CCT5: variants seen among roughly 807,000 people sequenced by gnomAD.
CCT5 encodes T-complex protein 1 subunit epsilon.
Under a neutral mutation model 55.0 loss-of-function variants are expected in CCT5, and 6 were observed. The ratio of observed to expected loss-of-function variants is 0.11; its 90% CI spans 0.06 to 0.22. CCT5 has a LOEUF of 0.22. Ranked by LOEUF, CCT5 falls within the 10% of genes least tolerant of loss-of-function variation. CCT5 has a pLI of 1.00. For synonymous variants in CCT5, 231 were observed against 243.7 expected, an observed-to-expected ratio of 0.95 and a Z score of 0.49; for missense variants, 560 against 694.6, an observed-to-expected ratio of 0.81 and a Z score of 2.18.
intron 7 of CCT5, chr5:10,261,128 C>T: frequency 3.2e-6 from 2 of 622,598 alleles, no homozygotes; most frequent in East Asian, 3.0e-5. Context: ...AAATTCTCTC[C>T]CTGTGTTGTC....
At position 10,264,800 on chromosome 5, in the gene CCT5, ATGTAGCAAGATCCACTTC is replaced by A; in HGVS notation, c.*21_*38del. On this transcript the variant is annotated 3_prime_UTR_variant, in exon 11 of 11. Transcript: ENST00000280326. ...GAAGAATGAAGACATTGAGAAAACT[ATGTAGCAAGATCCACTTC>A]TGTGATTAAGTAAATGGATGTCTCG... is the stretch of plus-strand genomic sequence containing the variant. The A allele has an allele frequency of 6.2e-7, 1 of 1,611,466 alleles. No individual in the cohort carries two copies. The highest frequency in any genetic ancestry group is 8.5e-7 in the Non-Finnish European group (1 of 1,177,596).
Position 10,264,979 on chromosome 5 carries a change from T to C in CCT5, c.*196T>C. On this transcript the variant is annotated 3_prime_UTR_variant, in exon 11 of 11. Coordinates refer to ENST00000280326, the MANE Select transcript of CCT5 (RefSeq NM_012073.5). ...GTGGGGGTACCATCTCAACTGCTTT[T>C]GTATTCATTGTATTAAAAGAATCTG... The C allele has an allele frequency of 1.7e-6, 1 of 594,022 alleles. No homozygotes were observed. Among genetic ancestry groups the C allele is most frequent in the Non-Finnish European group, 2.9e-6 (1 of 342,060 alleles). The allele number at this position is 594,022 out of a possible 1,614,324, so 36.8% of individuals were successfully genotyped here.
At position 10,265,056 on chromosome 5, in the gene CCT5, G is replaced by A; in HGVS notation, c.*273G>A. ...GGTTTAAGAAACGTTTATTGTAACA[G>A]TAATTAAATGCTGCCTTAATTGAAG... On this transcript the variant is annotated 3_prime_UTR_variant, in exon 11 of 11. Coordinates refer to ENST00000280326, the MANE Select transcript of CCT5 (RefSeq NM_012073.5). 2.6e-6 allele frequency: 1 copy of A among 381,300 alleles called. No individual in the cohort carries two copies. The highest frequency in any genetic ancestry group is 4.8e-6 in the Non-Finnish European group (1 of 208,186). 23.6% of individuals were successfully genotyped at this position (381,300 alleles called of 1,614,324 possible). A position where few individuals can be genotyped will look rare whatever the true frequency, so the allele number is the denominator to read the frequency against.
chr5:10,251,102 C>T (rs904511746), intron 1 of CCT5, among the ~76,000 whole-genome samples: 3 of 152,068 alleles, frequency 2.0e-5, no homozygotes, highest in African/African-American at 7.2e-5. Flanking sequence ...GGAGAGGAAA[C>T]GGTAGAAGTA....
At position 10,256,068 on chromosome 5, in the gene CCT5, G is replaced by T. The variant is rs1408430674; in HGVS notation, c.445G>T (p.Asp149Tyr). The T allele has an allele frequency of 3.1e-6, 5 of 1,614,086 alleles. No individual in the cohort carries two copies. Among genetic ancestry groups the T allele is most frequent in the Non-Finnish European group, 4.2e-6 (5 of 1,179,954 alleles). Reference protein sequence around the residue: ...QAARVAIEHLDKISDSVLVDI... With the variant: ...QAARVAIEHLYKISDSVLVDI... The stretch of plus-strand genomic sequence containing the variant: ...TGCTCGTGTTGCTATTGAACACCTG[G>T]ACAAGATCAGCGATAGCGTCCTTGT... The change falls in exon 4 of 11, where the codon GAC becomes TAC. Residue 149 changes from aspartate (D) to tyrosine (Y), a missense_variant. Coordinates refer to ENST00000280326, the MANE Select transcript of CCT5 (RefSeq NM_012073.5).
chr5:10,258,712 G>GT (rs1745803889), intron 6 of CCT5, among the ~76,000 whole-genome samples, 177 bp downstream of exon 6: 1 of 152,200 alleles, frequency 6.6e-6, no homozygotes, highest in South Asian at 2.1e-4. Context: ...AAATGGTAGC[G>GT]TGTTCAGGCC....
intron 7 of CCT5, 52 bp downstream of exon 7, chr5:10,260,963 G>A: frequency 6.3e-7 from 1 of 1,595,618 alleles, no homozygotes. Flanking sequence ...CATCTTATGT[G>A]TTGAGGGGTG....
At chr5:10,263,750 C>T (rs555742802) in intron 10 of CCT5, among the ~76,000 whole-genome samples, 1 of 152,206 alleles carries the variant, frequency 6.6e-6, no homozygotes, top group East Asian at 1.9e-4. Context: ...TTGTGTAGCT[C>T]GGCTCCCAAA....
intron 6 of CCT5, among the ~76,000 whole-genome samples, chr5:10,260,463 C>T (rs923703543): frequency 2.0e-5 from 3 of 152,204 alleles, no homozygotes; most frequent in Non-Finnish European, 4.4e-5. Context: ...AGCTGTTAGC[C>T]ATTTCCCCAT....
At position 10,251,762 on chromosome 5, in the gene CCT5, A is replaced by G. The variant is rs550872658; in HGVS notation, c.105+1317A>G. ...GTATTTGTTTCCTTTCTAGAAAGAA[A>G]AAGTTTCAAGCTAATTGTATTATGT... On this transcript the variant is annotated intron_variant, in intron 1 of 10. Transcript: ENST00000280326. 2.6e-4 allele frequency among the ~76,000 whole-genome samples: 39 copies of G among 152,340 alleles called. No individual in the cohort carries two copies. In the South Asian group the frequency reaches 6.8e-3, roughly 27 times the overall value.
At chr5:10,250,229 G>C, upstream of CCT5, 3 of 1,572,616 alleles carry the variant, frequency 1.9e-6, no homozygotes, top group East Asian at 2.4e-5. Context: ...AGTCCCGCGC[G>C]TCTTGTGCTG....
intron 6 of CCT5, 60 bp from the exon 7 acceptor site, chr5:10,260,732 T>C: frequency 2.0e-5 from 32 of 1,595,804 alleles, no homozygotes; most frequent in Non-Finnish European, 2.7e-5. Flanking sequence ...TTTTCAAACA[T>C]TGTAATGAAG....
At chr5:10,252,522 G>A (rs1238697474) in intron 1 of CCT5, among the ~76,000 whole-genome samples, 6 of 151,934 alleles carry the variant, frequency 3.9e-5, no homozygotes, top group African/African-American at 1.2e-4. Context: ...GGCTGAGGCA[G>A]GAGAATCGCT....
At chr5:10,250,732 G>T (rs981601493) in intron 1 of CCT5, 6 of 1,253,120 alleles carry the variant, frequency 4.8e-6, no homozygotes, top group Non-Finnish European at 6.0e-6. Context: ...AAGCGGGACC[G>T]CCTCCCCGCC....
intron 5 of CCT5, 26 bp downstream of exon 5, chr5:10,258,329 G>A (rs762233070): frequency 1.4e-5 from 22 of 1,613,818 alleles, no homozygotes; most frequent in South Asian, 5.5e-5. Context: ...TCACAGCTTC[G>A]CACTGTTGGT....
At chr5:10,254,390 AC>A (rs1233637956) in intron 2 of CCT5, 185 bp downstream of exon 2, 3 of 554,620 alleles carry the variant, frequency 5.4e-6, no homozygotes, top group East Asian at 2.9e-5. Flanking sequence ...ATTAGGTCGG[AC>A]CTTTTTTTTT....
chr5:10,256,414 G>A (rs1579449809), intron 4 of CCT5, among the ~76,000 whole-genome samples: 1 of 152,144 alleles, frequency 6.6e-6, no homozygotes, highest in Non-Finnish European at 1.5e-5. Context: ...AGCAGAATAG[G>A]TTGTGTTAAA....
chr5:10,253,518 G>A (rs529339415), intron 1 of CCT5, among the ~76,000 whole-genome samples: 1 of 152,144 alleles, frequency 6.6e-6, no homozygotes, highest in Non-Finnish European at 1.5e-5. Flanking sequence ...TCCCAAGTAG[G>A]GGGGGTTGCA....
intron 6 of CCT5, among the ~76,000 whole-genome samples, chr5:10,259,583 C>G (rs1745853625): frequency 6.6e-6 from 1 of 152,148 alleles, no homozygotes; most frequent in African/African-American, 2.4e-5. Flanking sequence ...TAAGGAGAGG[C>G]CAACATAGGG....
Sources: gnomAD v4.1 joint callset for allele counts (sites outside exome capture counted in the v4.1 genomes callset) on GRCh38, gnomAD v4.1.1 for gene constraint, MANE v1.5 for transcripts, NCBI Gene and HGNC (gene_info 2026-07-23, HGNC 2026-07-21) for gene names.